The following MSRA variants were observed in gnomAD, a reference collection of about 807,000 sequenced individuals.
MSRA encodes the protein methionine sulfoxide reductase A, also known as mitochondrial peptide methionine sulfoxide reductase.
A neutral mutation model predicts 31.3 loss-of-function variants in MSRA; 54 were observed. The observed-to-expected ratio is 1.73, with a 90% CI of 1.39 to 2.17. The LOEUF (loss-of-function observed/expected upper bound fraction) is 2.17. MSRA is among the 30% of genes most tolerant of loss of function. The probability of loss-of-function intolerance (pLI) is 0.00; values close to 1 mark genes in which losing one functional copy is unlikely to be tolerated. For missense variants in MSRA, 507 were observed against 300.9 expected (o/e 1.69, Z -5.07); for synonymous variants, 169 against 116.5 (o/e 1.45, Z -2.90).
intron 4 of MSRA, 121 bp downstream of exon 4, chr8:10,301,759 C>T: frequency 1.3e-6 from 1 of 787,158 alleles, no homozygotes; most frequent in Non-Finnish European, 2.0e-6. Flanking sequence ...AATATGATTG[C>T]AGACATTTAT....
intron 3 of MSRA, among the ~76,000 whole-genome samples, chr8:10,283,129 T>TACACACACACACACACAC (rs66507479): frequency 1.0e-4 from 14 of 138,544 alleles, no homozygotes; most frequent in African/African-American, 2.5e-4. Context: ...ATATTCACAT[T>TACACACACACACACACAC]ACACACACAC....
chr8:10,346,185 G>T (rs1220766085), intron 5 of MSRA, among the ~76,000 whole-genome samples: 3 of 152,158 alleles, frequency 2.0e-5, no homozygotes, highest in Non-Finnish European at 1.5e-5. Context: ...GTGACTTGGG[G>T]TCCTGACCTC....
intron 1 of MSRA, among the ~76,000 whole-genome samples, chr8:10,079,627 G>A (rs1007641871): frequency 9.9e-5 from 15 of 152,168 alleles, no homozygotes; most frequent in African/African-American, 2.7e-4. Flanking sequence ...CTTCCCCGCA[G>A]TGTCCCTCCC....
chr8:10,060,133 C>G (rs1468982493), intron 1 of MSRA, among the ~76,000 whole-genome samples: 1 of 151,978 alleles, frequency 6.6e-6, no homozygotes, highest in Non-Finnish European at 1.5e-5. Context: ...GACATAACTG[C>G]TATGCATGCC....
chr8:10,204,477 T>C (rs1031393239), intron 1 of MSRA, among the ~76,000 whole-genome samples: 3 of 152,208 alleles, frequency 2.0e-5, no homozygotes, highest in African/African-American at 7.2e-5. Flanking sequence ...CTTATAGATA[T>C]CTAGATCACA....
intron 5 of MSRA, among the ~76,000 whole-genome samples, chr8:10,405,318 C>G (rs1807736505): frequency 6.6e-6 from 1 of 152,152 alleles, no homozygotes; most frequent in Non-Finnish European, 1.5e-5. Context: ...GCCGGAGCAC[C>G]TGCCCCTCCC....
intron 3 of MSRA, among the ~76,000 whole-genome samples, chr8:10,289,952 C>T (rs1800143976): frequency 6.6e-6 from 1 of 152,144 alleles, no homozygotes; most frequent in Non-Finnish European, 1.5e-5. Flanking sequence ...TGGTAAGTTC[C>T]CAAAGTGCTT....
chr8:10,271,743 A>C (rs1799051476), intron 3 of MSRA, among the ~76,000 whole-genome samples: 1 of 133,120 alleles, frequency 7.5e-6, no homozygotes, highest in South Asian at 2.3e-4. Context: ...TTGGAGATGG[A>C]CTTTTGCTCT....
chr8:10,227,662 G>A (rs970727195), intron 2 of MSRA, among the ~76,000 whole-genome samples: 1 of 152,160 alleles, frequency 6.6e-6, no homozygotes, highest in Non-Finnish European at 1.5e-5. Context: ...GTGTACACGT[G>A]CATATGAGCA....
intron 5 of MSRA, among the ~76,000 whole-genome samples, chr8:10,323,042 A>G (rs990675595): frequency 2.6e-4 from 37 of 142,980 alleles, no homozygotes; most frequent in African/African-American, 9.5e-4. Context: ...CTGAGCTGAG[A>G]TTGCATTACT....
chr8:10,400,145 G>A (rs1259751855), intron 5 of MSRA, among the ~76,000 whole-genome samples: 3 of 152,134 alleles, frequency 2.0e-5, no homozygotes, highest in Admixed American at 1.3e-4. Flanking sequence ...GCTCTAAGCT[G>A]CAGAGACAAA....
At chr8:10,131,021 T>C (rs987880677) in intron 1 of MSRA, among the ~76,000 whole-genome samples, 2 of 152,240 alleles carry the variant, frequency 1.3e-5, no homozygotes, top group African/African-American at 4.8e-5. Context: ...CAAGCTCAGC[T>C]TGTTTTTGCA....
At chr8:10,378,188 G>A (rs902047334) in intron 5 of MSRA, among the ~76,000 whole-genome samples, 4 of 152,210 alleles carry the variant, frequency 2.6e-5, no homozygotes, top group East Asian at 1.9e-4. Flanking sequence ...CAGGCTGGCT[G>A]TGTGGCTTCT....
intron 5 of MSRA, among the ~76,000 whole-genome samples, chr8:10,381,183 C>G (rs1470183324): frequency 6.6e-6 from 1 of 152,194 alleles, no homozygotes; most frequent in African/African-American, 2.4e-5. Flanking sequence ...GACCCTCTAC[C>G]TAACACAGCC....
intron 1 of MSRA, among the ~76,000 whole-genome samples, chr8:10,123,963 G>A (rs17689563): frequency 0.036 from 5,510 of 151,556 alleles, 145 homozygotes; most frequent in South Asian, 0.066. Flanking sequence ...TGGAAGTCTC[G>A]ATGAGATCAG....
intron 2 of MSRA, 56 bp from the exon 3 acceptor site, chr8:10,245,048 T>C: frequency 1.3e-6 from 2 of 1,579,272 alleles, no homozygotes; most frequent in Non-Finnish European, 1.7e-6. Context: ...GGATGTGCAA[T>C]GACCACTTTG....
At chr8:10,209,308 C>T (rs962715962) in intron 2 of MSRA, among the ~76,000 whole-genome samples, 13 of 152,148 alleles carry the variant, frequency 8.5e-5, no homozygotes, top group East Asian at 3.8e-4. Context: ...CTCTCAGATT[C>T]GCCAACCCCA....
At chr8:10,317,319 G>A (rs1292595532) in intron 4 of MSRA, among the ~76,000 whole-genome samples, 1 of 152,180 alleles carries the variant, frequency 6.6e-6, no homozygotes, top group Non-Finnish European at 1.5e-5. Context: ...TCTGCAATCA[G>A]GATGGATAAA....
At chr8:10,348,392 C>G (rs985374954) in intron 5 of MSRA, among the ~76,000 whole-genome samples, 2 of 75,896 alleles carry the variant, frequency 2.6e-5, no homozygotes, top group Non-Finnish European at 5.1e-5. Context: ...TGGACAGAGT[C>G]TTGCTCTTGC....
Sources: gnomAD v4.1 joint callset for allele counts (sites outside exome capture counted in the v4.1 genomes callset) on GRCh38, gnomAD v4.1.1 for gene constraint, MANE v1.5 for transcripts, NCBI Gene and HGNC (gene_info 2026-07-23, HGNC 2026-07-21) for gene names.